The following ENPP3 variants were observed in gnomAD, a reference collection of about 807,000 sequenced individuals.
The protein encoded by ENPP3 is ectonucleotide pyrophosphatase/phosphodiesterase 3.
Under a neutral mutation model 117.8 loss-of-function variants are expected in ENPP3, and 104 were observed. That is an observed-to-expected ratio of 0.88 (90% CI 0.75 to 1.04). ENPP3 has a LOEUF of 1.04. Ranked by LOEUF, ENPP3 falls within the 50% of genes least tolerant of loss-of-function variation. The probability of loss-of-function intolerance (pLI) is 0.00; values close to 1 mark genes in which losing one functional copy is unlikely to be tolerated. For synonymous variants in ENPP3, 380 were observed against 349.9 expected (o/e 1.09, Z -0.96); for missense variants, 1,026 against 1,051.9 (o/e 0.98, Z 0.34).
intron 11 of ENPP3, among the ~76,000 whole-genome samples, chr6:131,678,958 T>TTCC (rs1778942861): frequency 1.2e-5 from 1 of 82,976 alleles, no homozygotes; most frequent in Admixed American, 1.2e-4. Context: ...TCTTTCTTTC[T>TTCC]TTCCTTCCTT....
At chr6:131,693,226 G>C (rs1456262113) in intron 14 of ENPP3, among the ~76,000 whole-genome samples, 1 of 151,332 alleles carries the variant, frequency 6.6e-6, no homozygotes, top group Non-Finnish European at 1.5e-5. Flanking sequence ...GCCCAGGCTG[G>C]AGTGCAATGG....
At chr6:131,717,181 TG>T (rs1221733296) in intron 15 of ENPP3, among the ~76,000 whole-genome samples, 1 of 152,150 alleles carries the variant, frequency 6.6e-6, no homozygotes, top group Non-Finnish European at 1.5e-5. Context: ...GAGTGTGGCC[TG>T]GTCAGATTTG....
rs140788775 is a variant in ENPP3, at chr6:131,738,068, A to G, written c.2205A>G (p.Lys735=). 1 of 1,606,892 alleles carries G rather than the reference A, an allele frequency of 6.2e-7. No homozygotes were observed. The highest frequency in any genetic ancestry group is 2.2e-5 in the East Asian group (1 of 44,670). Residue 735 remains lysine (K), a synonymous_variant, in exon 23 of 25, where the codon AAA becomes AAG. Coordinates refer to ENST00000357639, the MANE Select transcript of ENPP3 (RefSeq NM_005021.5). ...WDYFHSVLLI[K]HATERNGVNV... Reference sequence around the variant, plus strand: ...ACTTCCACAGTGTTCTTCTTATAAAACATGCCACAGAAAGAAATGGAGTAA... The same window carrying G: ...ACTTCCACAGTGTTCTTCTTATAAAGCATGCCACAGAAAGAAATGGAGTAA...
chr6:131,697,455 T>C (rs1037808065), intron 15 of ENPP3, among the ~76,000 whole-genome samples: 19 of 151,694 alleles, frequency 1.3e-4, no homozygotes, highest in Non-Finnish European at 2.5e-4. Context: ...GGTTTCAGAA[T>C]GATTCAAGCG....
At chr6:131,662,332 C>A (rs1406043610) in intron 6 of ENPP3, among the ~76,000 whole-genome samples, 1 of 152,162 alleles carries the variant, frequency 6.6e-6, no homozygotes, top group African/African-American at 2.4e-5. Flanking sequence ...GCCACCTCTG[C>A]CTCCCAGGCT....
At chr6:131,643,542 A>G (rs1419715964) in intron 2 of ENPP3, among the ~76,000 whole-genome samples, 3 of 152,036 alleles carry the variant, frequency 2.0e-5, no homozygotes, top group Non-Finnish European at 4.4e-5. Flanking sequence ...CATCCTTAAC[A>G]TAGTCATCCT....
At position 131,686,744 on chromosome 6, in the gene ENPP3, A is replaced by G. The variant is rs146558318; in HGVS notation, c.1284+837A>G. On this transcript the variant is annotated intron_variant, in intron 14 of 24. Transcript: ENST00000357639. ...TGTGTTCAATGTTTAGCTCCCACTT[A>G]TAAGTGACAACATGCAGTATTTGGT... Among the ~76,000 whole-genome samples the G allele has an allele frequency of 9.1e-3, 1,387 of 152,258 alleles. 23 individuals are homozygous for G. The highest frequency in any genetic ancestry group is 0.032 in the African/African-American group (1,326 of 41,542).
intron 6 of ENPP3, among the ~76,000 whole-genome samples, chr6:131,667,069 C>T (rs1778632373): frequency 6.6e-6 from 1 of 152,122 alleles, no homozygotes; most frequent in South Asian, 2.1e-4. Flanking sequence ...GATGTCTTGT[C>T]CAATTCTTTC....
chr6:131,684,516 C>T (rs954913008), intron 12 of ENPP3, among the ~76,000 whole-genome samples: 1 of 152,034 alleles, frequency 6.6e-6, no homozygotes, highest in Non-Finnish European at 1.5e-5. Context: ...CCCATCTCTA[C>T]TAAAACTACA....
intron 5 of ENPP3, among the ~76,000 whole-genome samples, chr6:131,657,893 G>A (rs1423623105): frequency 6.6e-6 from 1 of 152,120 alleles, no homozygotes; most frequent in Non-Finnish European, 1.5e-5. Flanking sequence ...GCCAGGCGTG[G>A]TGACTCACAC....
intron 15 of ENPP3, among the ~76,000 whole-genome samples, chr6:131,718,027 G>A (rs767739662): frequency 6.6e-6 from 1 of 152,150 alleles, no homozygotes; most frequent in Admixed American, 6.5e-5. Flanking sequence ...CCAGGCTTGT[G>A]TAAGTGTACT....
chr6:131,718,493 A>G (rs1224158532), intron 15 of ENPP3, among the ~76,000 whole-genome samples, 179 bp from the exon 16 acceptor site: 8 of 152,024 alleles, frequency 5.3e-5, no homozygotes. Flanking sequence ...AAATAAATAT[A>G]TTTATTCATT....
chr6:131,713,320 G>A lies in ENPP3; in HGVS notation c.1413-5352G>A, dbSNP rs1779826731. Among the ~76,000 whole-genome samples, 9 of 151,136 alleles carry A rather than the reference G, an allele frequency of 6.0e-5. No homozygotes were observed. In the South Asian group the frequency reaches 1.9e-3, roughly 32 times the overall value. ...AGCATGAGAACAGACTAATACACCT[G>A]CCAAGAATTTTTTTCTATATTTTGG... On this transcript the variant is annotated intron_variant, in intron 15 of 24. Coordinates refer to ENST00000357639, the MANE Select transcript of ENPP3 (RefSeq NM_005021.5).
chr6:131,645,917 CT>C (rs1281132902), intron 2 of ENPP3, among the ~76,000 whole-genome samples: 1 of 152,122 alleles, frequency 6.6e-6, no homozygotes, highest in Non-Finnish European at 1.5e-5. Context: ...ATAATTTACG[CT>C]CTTCAATTCT....
chr6:131,677,695 G>A (rs1453001677), intron 10 of ENPP3, among the ~76,000 whole-genome samples, 173 bp from the exon 11 acceptor site: 1 of 152,118 alleles, frequency 6.6e-6, no homozygotes, highest in Non-Finnish European at 1.5e-5. Context: ...TTCCCGTTAG[G>A]AAACCTATCC....
intron 2 of ENPP3, chr6:131,643,096 A>G (rs1443951437): frequency 1.3e-5 from 2 of 152,188 alleles, no homozygotes; most frequent in African/African-American, 4.8e-5. Context: ...TACTTGAGAA[A>G]CACTCAGCTT....
chr6:131,642,657 G>A (rs1223727558), intron 2 of ENPP3, among the ~76,000 whole-genome samples: 4 of 151,976 alleles, frequency 2.6e-5, no homozygotes, highest in African/African-American at 4.8e-5. Context: ...CCGCAGCCTC[G>A]ATCTCCTGGG....
At chr6:131,661,770 G>C (rs1778505949) in intron 6 of ENPP3, among the ~76,000 whole-genome samples, 2 of 152,126 alleles carry the variant, frequency 1.3e-5, no homozygotes, top group Admixed American at 6.6e-5. Flanking sequence ...TCAAGTTGTA[G>C]AAGTTCCTTA....
intron 5 of ENPP3, among the ~76,000 whole-genome samples, chr6:131,657,646 A>C (rs1462060567): frequency 6.6e-6 from 1 of 152,244 alleles, no homozygotes; most frequent in East Asian, 1.9e-4. Flanking sequence ...TTTTATTTGC[A>C]TATAAATGTA....
Sources: gnomAD v4.1 joint callset for allele counts (sites outside exome capture counted in the v4.1 genomes callset) on GRCh38, gnomAD v4.1.1 for gene constraint, MANE v1.5 for transcripts, NCBI Gene and HGNC (gene_info 2026-07-23, HGNC 2026-07-21) for gene names.